CIT: variants seen among roughly 807,000 people sequenced by gnomAD.
The protein encoded by CIT is citron rho-interacting serine/threonine kinase, also known as citron Rho-interacting kinase.
CIT carries 79 observed loss-of-function variants against 272.7 expected under a neutral mutation model. The observed-to-expected ratio is 0.29, with a 90% CI of 0.24 to 0.35. The LOEUF (loss-of-function observed/expected upper bound fraction) is 0.35. Ranked by LOEUF, CIT falls within the 10% of genes least tolerant of loss-of-function variation. The pLI is 1.00. For synonymous variants in CIT, 948 were observed against 995.6 expected, an observed-to-expected ratio of 0.95 and a Z score of 0.90; for missense variants, 1,909 against 2,618.3, an observed-to-expected ratio of 0.73 and a Z score of 5.91.
intron 2 of CIT, 91 bp downstream of exon 2, chr12:119,875,982 T>G: frequency 1.2e-6 from 1 of 817,648 alleles, no homozygotes; most frequent in African/African-American, 1.7e-5. Flanking sequence ...AGACTCTAAA[T>G]AAATAAACAA....
chr12:119,754,991 C>T (rs1960751752), intron 22 of CIT, among the ~76,000 whole-genome samples: 1 of 152,114 alleles, frequency 6.6e-6, no homozygotes, highest in African/African-American at 2.4e-5. Context: ...AACTTAAGGG[C>T]GAGTCTCCCG....
intron 7 of CIT, among the ~76,000 whole-genome samples, chr12:119,828,154 C>T (rs1968320123): frequency 6.6e-6 from 1 of 152,314 alleles, no homozygotes; most frequent in Non-Finnish European, 1.5e-5. Flanking sequence ...CATGATTATA[C>T]ACATTTATGC....
intron 6 of CIT, 49 bp downstream of exon 6, chr12:119,834,037 C>A: frequency 1.3e-6 from 2 of 1,544,668 alleles, no homozygotes; most frequent in South Asian, 1.2e-5. Context: ...AACTCTTATG[C>A]GACACAGGAA....
At chr12:119,829,828 C>A (rs1968481857) in intron 7 of CIT, among the ~76,000 whole-genome samples, 1 of 151,992 alleles carries the variant, frequency 6.6e-6, no homozygotes, top group South Asian at 2.1e-4. Flanking sequence ...TGAAATAAGA[C>A]AATGGATAAT....
rs1962926281 is a variant in CIT at position 119,770,144 on chromosome 12, C to T, written c.2208+641G>A. On this transcript the variant is annotated intron_variant, in intron 18 of 47. Coordinates refer to ENST00000392521, the MANE Select transcript of CIT (RefSeq NM_001206999.2). This position sits in a 1 kb window ranked among gnomAD's most constrained non-coding sequence, Gnocchi z 4.4. ...TGGCAGGGGCAAAACGTCAACACATCTGCAAATACCACCCGAACCTTCCTT... is the reference window on the plus strand; with the variant it reads ...TGGCAGGGGCAAAACGTCAACACATTTGCAAATACCACCCGAACCTTCCTT... Among the ~76,000 whole-genome samples, 1 of 152,206 alleles carries T rather than the reference C, an allele frequency of 6.6e-6. No individual in the cohort carries two copies. Among genetic ancestry groups the T allele is most frequent in the African/African-American group, 2.4e-5 (1 of 41,454 alleles).
chr12:119,773,479 C>A (rs958227718), intron 16 of CIT, among the ~76,000 whole-genome samples: 21 of 152,136 alleles, frequency 1.4e-4, no homozygotes, highest in African/African-American at 5.1e-4. Flanking sequence ...CTTGCCCAGG[C>A]TGGAGTGCAA....
Position 119,742,396 on chromosome 12 carries a change from G to A in CIT, c.2958+15C>T, listed in dbSNP as rs751559118. On this transcript the variant is annotated intron_variant, in intron 24 of 47. Transcript: ENST00000392521. Reference sequence around the variant, plus strand: ...TTCATGTTATTTTAATCGTCTTTGGGTAATTAATACTCACAGTACAGCTGT... The same window carrying A: ...TTCATGTTATTTTAATCGTCTTTGGATAATTAATACTCACAGTACAGCTGT... The A allele has an allele frequency of 1.2e-5, 19 of 1,580,740 alleles. No homozygotes were observed. The highest frequency in any genetic ancestry group is 6.8e-5 in the African/African-American group (5 of 73,394).
chr12:119,769,234 G>T lies in CIT; in HGVS notation c.2208+1551C>A, dbSNP rs1593667698. Among the ~76,000 whole-genome samples the T allele has an allele frequency of 4.6e-5, 7 of 152,254 alleles. No individual in the cohort carries two copies. In the South Asian group the frequency reaches 1.5e-3, roughly 32 times the overall value. On this transcript the variant is annotated intron_variant, in intron 18 of 47. Transcript: ENST00000392521. ...TGGGAGTTTATAACACATAATCCAA[G>T]AATGCAGAACTCTCTACTCCTCCAT...
At chr12:119,833,882 G>T (rs764668016) in intron 6 of CIT, among the ~76,000 whole-genome samples, 5 of 152,070 alleles carry the variant, frequency 3.3e-5, no homozygotes, top group Non-Finnish European at 2.9e-5. Flanking sequence ...TACAATTCTA[G>T]ATCTATTGCA....
rs191768279 is a variant in CIT, at chr12:119,823,987, C to T, written c.958-1014G>A. ...CCCAGGAGGCAGGGTTGCAGTGAGC[C>T]GATATTGTGCCACTGCACTCCAGCC... On this transcript the variant is annotated intron_variant, in intron 8 of 47. Coordinates refer to ENST00000392521, the MANE Select transcript of CIT (RefSeq NM_001206999.2). Among the ~76,000 whole-genome samples the T allele has an allele frequency of 1.6e-3, 203 of 126,638 alleles. 1 individual carries two copies. The highest frequency in any genetic ancestry group is 6.0e-3 in the African/African-American group (194 of 32,220). The allele number at this position is 126,638 out of a possible 152,430, so 83.1% of individuals were successfully genotyped here.
intron 43 of CIT, among the ~76,000 whole-genome samples, 181 bp downstream of exon 43, chr12:119,701,443 G>C (rs372089145): frequency 6.6e-6 from 1 of 152,162 alleles, no homozygotes; most frequent in African/African-American, 2.4e-5. Context: ...GTTAGACCAC[G>C]CTAGTATCTG....
At chr12:119,833,005 T>G (rs1593898569) in intron 6 of CIT, 141 bp from the exon 7 acceptor site, 1 of 532,756 alleles carries the variant, frequency 1.9e-6, no homozygotes, top group Non-Finnish European at 3.4e-6. Flanking sequence ...TATAAATTAT[T>G]AGCATACATT....
chr12:119,719,017 T>C (rs186154582), intron 30 of CIT, 156 bp from the exon 31 acceptor site: 2 of 715,230 alleles, frequency 2.8e-6, no homozygotes, highest in Non-Finnish European at 4.5e-6. Context: ...GGGGGAAGGG[T>C]AGGCTGAGCC....
intron 22 of CIT, among the ~76,000 whole-genome samples, chr12:119,753,945 T>C (rs1960606335): frequency 6.6e-6 from 1 of 152,112 alleles, no homozygotes; most frequent in South Asian, 2.1e-4. Flanking sequence ...AGTCTACTAG[T>C]AAGACAATGG....
chr12:119,874,393 TA>T (rs1396717259), intron 2 of CIT, among the ~76,000 whole-genome samples: 2 of 152,086 alleles, frequency 1.3e-5, no homozygotes, highest in Admixed American at 1.3e-4. Flanking sequence ...TCAGAAAAGG[TA>T]ACTGACTCAC....
intron 2 of CIT, among the ~76,000 whole-genome samples, chr12:119,871,170 T>C (rs1482682354): frequency 2.7e-5 from 4 of 149,556 alleles, no homozygotes; most frequent in African/African-American, 9.9e-5. Flanking sequence ...AAAGACCTCA[T>C]GGAGAAGAGA....
Position 119,713,422 on chromosome 12 carries a change from G to C in CIT, c.4487+46C>G. On this transcript the variant is annotated intron_variant, in intron 34 of 47. Coordinates refer to ENST00000392521, the MANE Select transcript of CIT (RefSeq NM_001206999.2). The surrounding 1 kb of genome is among the most constrained non-coding windows in gnomAD (Gnocchi z 5.2). ...CCTAGAAAACATCAGGGACAGAGTG[G>C]CTTGTGCCAGCACCTGCTCCAGCCC... The C allele has an allele frequency of 1.9e-6, 3 of 1,601,442 alleles. No individual in the cohort carries two copies. The highest frequency in any genetic ancestry group is 2.6e-6 in the Non-Finnish European group (3 of 1,171,934).
chr12:119,724,884 C>G (rs1157942073), intron 28 of CIT, among the ~76,000 whole-genome samples: 1 of 128,588 alleles, frequency 7.8e-6, no homozygotes, highest in Non-Finnish European at 1.6e-5. Context: ...TGCAGTGAGC[C>G]GAGATCACTG....
chr12:119,823,146 C>G (rs998156451), intron 8 of CIT, among the ~76,000 whole-genome samples, 173 bp from the exon 9 acceptor site: 1 of 152,076 alleles, frequency 6.6e-6, no homozygotes, highest in African/African-American at 2.4e-5. Flanking sequence ...AAATAAGTGG[C>G]CTGTTCACAT....
Sources: allele counts gnomAD v4.1 joint callset (sites outside exome capture counted in the v4.1 genomes callset), GRCh38; gene constraint gnomAD v4.1.1; non-coding constraint Gnocchi (gnomAD v3.1); transcripts MANE v1.5; gene names NCBI Gene and HGNC (gene_info 2026-07-23, HGNC 2026-07-21).